Variants in TRABD2A observed in about 807,000 individuals in gnomAD.
TRABD2A encodes metalloprotease TIKI1.
A neutral mutation model predicts 45.6 loss-of-function variants in TRABD2A; 43 were observed. That is an observed-to-expected ratio of 0.94 (90% CI 0.74 to 1.22). The LOEUF is 1.22. TRABD2A is among the 50% of genes most tolerant of loss of function. The pLI, the probability that TRABD2A is intolerant of heterozygous loss-of-function variation, is 0.00. For missense variants in TRABD2A, 642 were observed against 652.4 expected (o/e 0.98, Z 0.17); for synonymous variants, 269 against 265.0 (o/e 1.02, Z -0.15).
intron 2 of TRABD2A, chr2:84,851,024 T>G (rs904059995): frequency 2.0e-5 from 3 of 152,278 alleles, no homozygotes; most frequent in African/African-American, 7.2e-5. Flanking sequence ...TCCTGTCCTG[T>G]CCTGTGCTAT....
intron 4 of TRABD2A, among the ~76,000 whole-genome samples, chr2:84,838,421 A>T (rs1294333142): frequency 6.6e-6 from 1 of 152,198 alleles, no homozygotes; most frequent in Non-Finnish European, 1.5e-5. Flanking sequence ...TATTGCTGCT[A>T]TGGAAGAACA....
intron 5 of TRABD2A, among the ~76,000 whole-genome samples, chr2:84,828,697 C>T (rs1029075021): frequency 3.3e-5 from 5 of 152,234 alleles, no homozygotes; most frequent in African/African-American, 1.2e-4. Context: ...ATGATATTAA[C>T]ACATAATCAA....
intron 5 of TRABD2A, among the ~76,000 whole-genome samples, chr2:84,827,318 G>T (rs1405139249): frequency 6.6e-6 from 1 of 152,168 alleles, no homozygotes; most frequent in Non-Finnish European, 1.5e-5. Flanking sequence ...ACAAGGAAAA[G>T]ACCCCAGGCT....
rs560372154 is a variant in TRABD2A, at chr2:84,826,524, A to G, written c.1083-2320T>C. On this transcript the variant is annotated intron_variant, in intron 5 of 6. Coordinates refer to ENST00000409520, the MANE Select transcript of TRABD2A (RefSeq NM_001277053.2). The stretch of plus-strand genomic sequence containing the variant: ...TGCACAAGGTTCCAAGAAGGATTCT[A>G]TGCCATCTTTTGTTTTGTTTTGTTT... Among the ~76,000 whole-genome samples, 8 of 152,270 alleles carry G rather than the reference A, an allele frequency of 5.3e-5. No homozygotes were observed. In the South Asian group the frequency reaches 8.3e-4, roughly 16 times the overall value.
Position 84,824,349 on chromosome 2 carries a change from T to C in TRABD2A, c.1083-145A>G, listed in dbSNP as rs910887874. On this transcript the variant is annotated intron_variant, in intron 5 of 6. Coordinates refer to ENST00000409520, the MANE Select transcript of TRABD2A (RefSeq NM_001277053.2). ...GCCAGGAAGGGCAGAAATTACCCAG[T>C]TCTTGAAATTACCTTGGGAATTTAT... 9.3e-6 allele frequency: 11 copies of C among 1,182,724 alleles called. No individual in the cohort carries two copies. The African/African-American group carries it at 1.7e-4, about 18-fold the overall frequency. The allele number at this position is 1,182,724 out of a possible 1,614,324, so 73.3% of individuals were successfully genotyped here.
At chr2:84,839,698 A>G (rs1423760589) in intron 3 of TRABD2A, among the ~76,000 whole-genome samples, 1 of 152,190 alleles carries the variant, frequency 6.6e-6, no homozygotes, top group Non-Finnish European at 1.5e-5. Flanking sequence ...ATAGTCTTAT[A>G]TAGTTACATA....
chr2:84,880,795 G>A, intron 1 of TRABD2A, 137 bp downstream of exon 1: 2 of 1,309,456 alleles, frequency 1.5e-6, no homozygotes, highest in South Asian at 2.8e-5. Context: ...CGAGCAAGGA[G>A]CGCCGCGGTG....
At chr2:84,826,090 G>A (rs553926407) in intron 5 of TRABD2A, among the ~76,000 whole-genome samples, 2 of 152,274 alleles carry the variant, frequency 1.3e-5, no homozygotes, top group Admixed American at 6.5e-5. Context: ...GCCCATGGCC[G>A]AAACTATGTC....
In TRABD2A at chr2:84,830,751, C is replaced by T. The variant is rs1490585830; in HGVS notation, c.1082+1304G>A. 5.3e-5 allele frequency among the ~76,000 whole-genome samples: 8 copies of T among 152,202 alleles called. No homozygotes were observed. Among genetic ancestry groups the T allele is most frequent in the African/African-American group, 9.6e-5 (4 of 41,526 alleles). ...GGGATGAGAGAAGTCCAGGATGTAT[C>T]CAGGATTTCCCGCCTGAAGGGAGAC... On this transcript the variant is annotated intron_variant, in intron 5 of 6. Transcript: ENST00000409520. The surrounding 1 kb of genome is among the most constrained non-coding windows in gnomAD (Gnocchi z 4.9).
chr2:84,860,993 G>A (rs1368331371), intron 2 of TRABD2A, among the ~76,000 whole-genome samples: 1 of 152,232 alleles, frequency 6.6e-6, no homozygotes, highest in East Asian at 1.9e-4. Flanking sequence ...GGAGCAGTGG[G>A]GAGGTGCTCA....
Position 84,870,708 on chromosome 2 carries a change from C to A in TRABD2A, c.186G>T (p.Pro62=). Residue 62 remains proline (P), a synonymous_variant, in exon 2 of 7, where the codon CCG becomes CCT. Transcript: ENST00000409520. ...PSYFFGTIHV[P]YTRVWDFIPD... ...GGATGAAGTCCCAAACTCGGGTGTA[C>A]GGGACATGGATTGTGCCAAAGAAGT... 1 of 1,603,472 alleles carries A rather than the reference C, an allele frequency of 6.2e-7. No individual in the cohort carries two copies. The highest frequency in any genetic ancestry group is 1.3e-5 in the African/African-American group (1 of 74,846).
intron 5 of TRABD2A, among the ~76,000 whole-genome samples, chr2:84,831,132 G>A (rs1057164288): frequency 1.5e-4 from 23 of 152,058 alleles, no homozygotes; most frequent in Non-Finnish European, 2.8e-4. Context: ...GTTCACATGA[G>A]GGCCCTAGTC....
At chr2:84,848,880 A>G (rs1559090834) in intron 2 of TRABD2A, among the ~76,000 whole-genome samples, 1 of 151,970 alleles carries the variant, frequency 6.6e-6, no homozygotes, top group Non-Finnish European at 1.5e-5. Flanking sequence ...TCCTGAAACT[A>G]TATATTATAA....
intron 5 of TRABD2A, among the ~76,000 whole-genome samples, chr2:84,825,848 G>A (rs905284437): frequency 6.6e-6 from 1 of 152,130 alleles, no homozygotes; most frequent in African/African-American, 2.4e-5. Flanking sequence ...CGCAAACCCT[G>A]TTGTGAATTG....
chr2:84,847,361 T>A (rs943838926), intron 2 of TRABD2A, among the ~76,000 whole-genome samples: 3 of 152,146 alleles, frequency 2.0e-5, no homozygotes, highest in African/African-American at 7.2e-5. Context: ...TCTAACAAAT[T>A]TGGGGTTTCA....
chr2:84,856,076 G>A (rs1339048321), intron 2 of TRABD2A, among the ~76,000 whole-genome samples: 1 of 152,136 alleles, frequency 6.6e-6, no homozygotes, highest in Non-Finnish European at 1.5e-5. Flanking sequence ...CTGGAGTGTG[G>A]AGTTGTTGTG....
In TRABD2A at chr2:84,830,471, G is replaced by A. The variant is rs947405154; in HGVS notation, c.1082+1584C>T. On this transcript the variant is annotated intron_variant, in intron 5 of 6. Transcript: ENST00000409520. The surrounding 1 kb of genome is among the most constrained non-coding windows in gnomAD (Gnocchi z 4.9). ...AAAGAACAACATGAAACCACGGAGG[G>A]TTTGAATATAGGACACTGGAAAGAA... Among the ~76,000 whole-genome samples the A allele has an allele frequency of 6.6e-6, 1 of 152,176 alleles. No individual in the cohort carries two copies. The highest frequency in any genetic ancestry group is 2.4e-5 in the African/African-American group (1 of 41,422).
intron 2 of TRABD2A, among the ~76,000 whole-genome samples, chr2:84,857,475 G>T (rs545930918): frequency 6.6e-6 from 1 of 152,106 alleles, no homozygotes; most frequent in Admixed American, 6.5e-5. Context: ...ACCCTTAACC[G>T]CATGTGAACT....
intron 6 of TRABD2A, 21 bp downstream of exon 6, chr2:84,823,932 G>A: frequency 3.1e-6 from 5 of 1,612,092 alleles, no homozygotes; most frequent in Non-Finnish European, 4.2e-6. Flanking sequence ...ATGCCAACCC[G>A]ACCCAGCCTA....
Sources: allele counts gnomAD v4.1 joint callset (sites outside exome capture counted in the v4.1 genomes callset), GRCh38; gene constraint gnomAD v4.1.1; non-coding constraint Gnocchi (gnomAD v3.1); transcripts MANE v1.5; gene names NCBI Gene and HGNC (gene_info 2026-07-23, HGNC 2026-07-21).